STS: variants seen among roughly 807,000 people sequenced by gnomAD.
STS encodes the protein steryl-sulfatase.
A neutral mutation model predicts 26.8 loss-of-function variants in STS; 7 were observed. The observed-to-expected ratio is 0.26, with a 90% CI of 0.15 to 0.49. The LOEUF is 0.49. Ranked by LOEUF, STS falls within the 20% of genes least tolerant of loss-of-function variation. The probability of loss-of-function intolerance (pLI) is 0.98; values close to 1 mark genes in which losing one functional copy is unlikely to be tolerated. For synonymous variants in STS, 199 were observed against 189.4 expected (o/e 1.05, Z -0.42); for missense variants, 434 against 465.6 (o/e 0.93, Z 0.63).
chrX:7,239,241 C>T (rs1329642898), intron 2 of STS, among the ~76,000 whole-genome samples: 2 of 111,641 alleles, frequency 1.8e-5, no homozygotes, highest in Non-Finnish European at 3.8e-5. Flanking sequence ...TTTTTTCTGT[C>T]CTCATGTCAG....
intron 10 of STS, among the ~76,000 whole-genome samples, chrX:7,346,458 T>TAA (rs33973441): frequency 9.9e-5 from 8 of 80,757 alleles, no homozygotes; most frequent in Admixed American, 2.9e-4. Context: ...CTTAAACAAG[T>TAA]AAAAAAAAAA....
intron 10 of STS, among the ~76,000 whole-genome samples, chrX:7,341,090 T>C (rs1326619738): frequency 9.0e-6 from 1 of 111,116 alleles, no homozygotes; most frequent in Non-Finnish European, 1.9e-5. Context: ...TTTTTCCCAA[T>C]TATAGATGGG....
intron 2 of STS, among the ~76,000 whole-genome samples, chrX:7,244,591 G>T (rs908796542): frequency 9.0e-6 from 1 of 111,689 alleles, no homozygotes; most frequent in African/African-American, 3.3e-5. Context: ...TTCAGCTGGG[G>T]ACAGTTGTGT....
chrX:7,189,915 G>T (rs1225705560), intron 1 of STS, among the ~76,000 whole-genome samples: 1 of 110,911 alleles, frequency 9.0e-6, no homozygotes, highest in Non-Finnish European at 1.9e-5. Context: ...TAAGCCAAGA[G>T]GTGAGGATGG....
In STS at chrX:7,151,772, G is replaced by A. The variant is rs1432209180; in HGVS notation, c.-134+3689G>A. 1.8e-5 allele frequency among the ~76,000 whole-genome samples: 2 copies of A among 110,737 alleles called. 1 individual carries two copies. The highest frequency in any genetic ancestry group is 5.7e-4 in the East Asian group (2 of 3,504). On this transcript the variant is annotated intron_variant, in intron 1 of 10. Coordinates refer to ENST00000674429, the MANE Select transcript of STS (RefSeq NM_001320752.2). The stretch of plus-strand genomic sequence containing the variant: ...GATGTGGTCGGAACTGGCAGTGCCA[G>A]CATCCCCTGGGAGCTCACTAGAAAT...
intron 2 of STS, among the ~76,000 whole-genome samples, chrX:7,193,376 T>TTTGTTG (rs1233209211): frequency 1.8e-5 from 2 of 111,579 alleles, no homozygotes; most frequent in Admixed American, 9.5e-5. Flanking sequence ...AGTAGGGTTT[T>TTTGTTG]TTGTTGTTGT....
At chrX:7,327,268 T>C (rs961572673) in intron 9 of STS, among the ~76,000 whole-genome samples, 14 of 111,042 alleles carry the variant, frequency 1.3e-4, no homozygotes, top group Non-Finnish European at 2.5e-4. Flanking sequence ...GCAGACCTCC[T>C]GAAAGGGTCC....
chrX:7,258,309 A>T (rs1456565992), intron 5 of STS, among the ~76,000 whole-genome samples: 1 of 108,078 alleles, frequency 9.3e-6, no homozygotes, highest in Non-Finnish European at 1.9e-5. Flanking sequence ...GTTATATATA[A>T]ATAGATGCAG....
At chrX:7,303,222 GCTCT>G (rs1192982860) in intron 7 of STS, among the ~76,000 whole-genome samples, 1 of 110,900 alleles carries the variant, frequency 9.0e-6, no homozygotes, top group African/African-American at 3.3e-5. Context: ...CGCTTGGCTG[GCTCT>G]CTCTCCTGCC....
intron 9 of STS, among the ~76,000 whole-genome samples, chrX:7,332,328 C>G (rs1312297409): frequency 9.7e-6 from 1 of 103,594 alleles, no homozygotes; most frequent in Non-Finnish European, 2.0e-5. Flanking sequence ...AAGACCTTGT[C>G]TCTAAAAAAA....
chrX:7,300,878 G>T (rs1318803852), intron 7 of STS, among the ~76,000 whole-genome samples: 2 of 111,468 alleles, frequency 1.8e-5, no homozygotes, highest in African/African-American at 6.5e-5. Context: ...GGGGAAGGAT[G>T]CAGGATATTT....
rs773232360 is a variant in STS, at chrX:7,294,520, A to G, written c.944-10526A>G. Among the ~76,000 whole-genome samples the G allele has an allele frequency of 7.2e-5, 8 of 111,806 alleles. No individual in the cohort carries two copies. In the South Asian group the frequency reaches 2.6e-3, roughly 37 times the overall value. ...CACAATTGCACCACAATAATAATAA[A>G]CATTTAAGACTTACAATAGCTAAAA... On this transcript the variant is annotated intron_variant, in intron 7 of 10. Transcript: ENST00000674429.
chrX:7,328,531 A>G (rs1452932836), intron 9 of STS, among the ~76,000 whole-genome samples: 1 of 103,734 alleles, frequency 9.6e-6, no homozygotes, highest in Non-Finnish European at 1.9e-5. Flanking sequence ...CCTTTCATGG[A>G]CCTCAGAGGT....
chrX:7,280,116 GTTCA>G (rs1924788476), intron 7 of STS, among the ~76,000 whole-genome samples: 1 of 111,981 alleles, frequency 8.9e-6, no homozygotes, highest in Admixed American at 9.5e-5. Context: ...GACAGATCTA[GTTCA>G]TTCATTAGTC....
intron 2 of STS, among the ~76,000 whole-genome samples, chrX:7,199,928 A>T: frequency 1.8e-5 from 2 of 111,360 alleles, no homozygotes; most frequent in South Asian, 7.4e-4. Flanking sequence ...AGACATTACC[A>T]TACAAATGTA....
At chrX:7,347,394 C>A (rs1488337934) in intron 10 of STS, among the ~76,000 whole-genome samples, 2 of 111,990 alleles carry the variant, frequency 1.8e-5, no homozygotes, top group Non-Finnish European at 3.8e-5. Flanking sequence ...AAAAGGCAAG[C>A]AACCCCAGAG....
At chrX:7,345,608 C>T (rs763408357) in intron 10 of STS, among the ~76,000 whole-genome samples, 1 of 111,257 alleles carries the variant, frequency 9.0e-6, no homozygotes, top group Non-Finnish European at 1.9e-5. Flanking sequence ...AAGAATCCTT[C>T]GTTATCATGT....
intron 2 of STS, among the ~76,000 whole-genome samples, chrX:7,197,566 A>G (rs1446905871): frequency 7.1e-5 from 8 of 112,298 alleles, no homozygotes; most frequent in African/African-American, 2.6e-4. Context: ...GTGCTCTGCT[A>G]CAAGTGTTTG....
intron 1 of STS, among the ~76,000 whole-genome samples, chrX:7,172,292 G>A (rs1238601203): frequency 9.0e-6 from 1 of 110,931 alleles, no homozygotes; most frequent in African/African-American, 3.3e-5. Context: ...TCAGGCATGG[G>A]GAAATAACAT....
Sources: allele counts gnomAD v4.1 joint callset (sites outside exome capture counted in the v4.1 genomes callset), GRCh38; gene constraint gnomAD v4.1.1; transcripts MANE v1.5; gene names NCBI Gene and HGNC (gene_info 2026-07-23, HGNC 2026-07-21).